TRPM4: variants seen among roughly 807,000 people sequenced by gnomAD.
TRPM4 encodes the protein calcium-activated non-selective cation channel 1.
TRPM4 carries 124 observed loss-of-function variants against 135.6 expected under a neutral mutation model. The observed-to-expected ratio is 0.91, with a 90% confidence interval of 0.79 to 1.06. TRPM4 has a LOEUF of 1.06. Among genes scored for constraint, TRPM4 ranks in the 50% least tolerant of loss-of-function variants. The pLI, the probability that TRPM4 is intolerant of heterozygous loss-of-function variation, is 0.00. For synonymous variants in TRPM4, 745 were observed against 705.6 expected (o/e 1.06, Z -0.88); for missense variants, 1,658 against 1,671.4 (o/e 0.99, Z 0.14).
intron 10 of TRPM4, among the ~76,000 whole-genome samples, chr19:49,182,090 ATCTG>A (rs1459893472): frequency 0.018 from 1,390 of 77,590 alleles, 6 homozygotes; most frequent in South Asian, 0.041. Flanking sequence ...CCATCCATCC[ATCTG>A]TCCATCCATC....
intron 14 of TRPM4, among the ~76,000 whole-genome samples, chr19:49,189,747 G>A (rs903636715): frequency 2.0e-5 from 3 of 152,110 alleles, no homozygotes; most frequent in African/African-American, 7.2e-5. Context: ...GTGCCCAACA[G>A]GAAGTCCCAT....
At chr19:49,206,346 T>A (rs1036198645) in intron 20 of TRPM4, among the ~76,000 whole-genome samples, 1 of 152,206 alleles carries the variant, frequency 6.6e-6, no homozygotes, top group African/African-American at 2.4e-5. Context: ...TTGTTTTGGC[T>A]ATTCTGGGCC....
At chr19:49,183,579 G>T (rs1417490013) in intron 12 of TRPM4, among the ~76,000 whole-genome samples, 1 of 151,232 alleles carries the variant, frequency 6.6e-6, no homozygotes, top group African/African-American at 2.4e-5. Flanking sequence ...GTTTTGTTTT[G>T]TTTTGTTTTA....
intron 20 of TRPM4, among the ~76,000 whole-genome samples, chr19:49,205,722 G>T (rs1036649255): frequency 6.6e-6 from 1 of 151,552 alleles, no homozygotes; most frequent in Admixed American, 6.6e-5. Context: ...TTTTAGTAGG[G>T]ACGGGGTTTC....
At chr19:49,176,520 G>C (rs1266582753) in intron 9 of TRPM4, among the ~76,000 whole-genome samples, 1 of 152,154 alleles carries the variant, frequency 6.6e-6, no homozygotes, top group Non-Finnish European at 1.5e-5. Context: ...GGTAGAAAGA[G>C]CAAGTTATTT....
Position 49,171,595 on chromosome 19 carries a change from C to G in TRPM4, c.876C>G (p.Thr292=). ...TCCTGTAGCGAATAGAGAACGCCAC[C>G]CAGGCTCAGCTCCCATGTCTCCTCG... ...EKMLTRIENA[T]QAQLPCLLVA... is the part of the protein sequence containing the mutation. Residue 292 remains threonine (T), a synonymous_variant, in exon 8 of 25, where the codon ACC becomes ACG. Coordinates refer to ENST00000252826, the MANE Select transcript of TRPM4 (RefSeq NM_017636.4). The surrounding 1 kb of genome is among the most constrained non-coding windows in gnomAD (Gnocchi z 4.7). 6.2e-7 allele frequency: 1 copy of G among 1,613,982 alleles called. No homozygotes were observed. The highest frequency in any genetic ancestry group is 1.7e-5 in the Admixed American group (1 of 60,006).
chr19:49,181,530 C>CTT lies in TRPM4; in HGVS notation c.1263+89_1263+90dup, dbSNP rs35727661. 45,591 of 501,866 alleles carry CTT rather than the reference C, an allele frequency of 0.091. 1,986 individuals carry two copies. Among genetic ancestry groups the CTT allele is most frequent in the South Asian group, 0.12 (4,945 of 42,176 alleles). The allele number at this position is 501,866 out of a possible 1,614,324, so 31.1% of individuals were successfully genotyped here. Reference sequence around the variant, plus strand: ...CTGTGCTGTCCTCCCTCTCTGCCTTCTTTTTTTTTTTTTTTTTTTTTGACG... The same window carrying CTT: ...CTGTGCTGTCCTCCCTCTCTGCCTTCTTTTTTTTTTTTTTTTTTTTTTTGACG... On this transcript the variant is annotated intron_variant, in intron 10 of 24. Coordinates refer to ENST00000252826, the MANE Select transcript of TRPM4 (RefSeq NM_017636.4).
intron 2 of TRPM4, among the ~76,000 whole-genome samples, chr19:49,163,777 C>T (rs1047145747): frequency 6.6e-6 from 1 of 152,180 alleles, no homozygotes; most frequent in Non-Finnish European, 1.5e-5. Context: ...TTGTGCCCAG[C>T]CGTCCTTGAA....
chr19:49,188,657 C>T lies in TRPM4; in HGVS notation c.1760C>T (p.Ser587Phe), dbSNP rs1968285591. ...YFWEMGSNAV[S>F]SALGACLLLR... ...TCTCTCCAGGGTTCCAATGCAGTTT[C>T]CTCAGCTCTTGGGGCCTGTTTGCTG... is the stretch of plus-strand genomic sequence containing the variant. The change falls in exon 13 of 25, where the codon TCC (serine) becomes TTC (phenylalanine). Residue 587 changes from serine to phenylalanine, a missense_variant. By Grantham distance (155) the Ser-to-Phe change is radical (BLOSUM62 -2). Transcript: ENST00000252826. The T allele has an allele frequency of 6.2e-7, 1 of 1,614,186 alleles. No individual in the cohort carries two copies. Among genetic ancestry groups the T allele is most frequent in the Non-Finnish European group, 8.5e-7 (1 of 1,180,046 alleles).
rs760010704 is a variant in TRPM4, at chr19:49,201,982, G to A, written c.2972G>A (p.Ser991Asn). Reference protein sequence around the residue: ...EDMDVALMEHSNCSSEPGFWA... With the variant: ...EDMDVALMEHNNCSSEPGFWA... Reference sequence around the variant, plus strand: ...TTCACAGTGGCCCTCATGGAGCACAGCAACTGCTCGTCGGAGCCCGGCTTC... The same window carrying A: ...TTCACAGTGGCCCTCATGGAGCACAACAACTGCTCGTCGGAGCCCGGCTTC... Residue 991 changes from serine to asparagine, a missense_variant, in exon 20 of 25, where the codon AGC becomes AAC. This residue lies in a region of TRPM4 where 1,412 missense variants were observed against 1,408.7 expected (regional missense o/e 1.00). Coordinates refer to ENST00000252826, the MANE Select transcript of TRPM4 (RefSeq NM_017636.4). The A allele has an allele frequency of 5.6e-6, 9 of 1,613,744 alleles. No homozygotes were observed. The South Asian group carries it at 9.9e-5, about 18-fold the overall frequency.
intron 9 of TRPM4, among the ~76,000 whole-genome samples, chr19:49,176,671 G>T (rs10401546): frequency 0.27 from 41,339 of 152,040 alleles, 5,814 homozygotes; most frequent in South Asian, 0.37. Flanking sequence ...GGCCACCATG[G>T]CAAAACCCTG....
intron 9 of TRPM4, among the ~76,000 whole-genome samples, chr19:49,174,006 G>C (rs1967575585): frequency 6.6e-6 from 1 of 151,846 alleles, no homozygotes; most frequent in African/African-American, 2.4e-5. Context: ...CTAGGCTCCA[G>C]AGACTAAAGC....
At position 49,210,790 on chromosome 19, in the gene TRPM4, G is replaced by A; in HGVS notation, c.3409G>A (p.Ala1137Thr). The change falls in exon 22 of 25, where the codon GCT (alanine) becomes ACT (threonine). Residue 1137 changes from alanine to threonine, a missense_variant. Transcript: ENST00000252826. This position sits in a 1 kb window ranked among gnomAD's most constrained non-coding sequence, Gnocchi z 4.1. ...TAAGGAGAACTTTCTGCTGGCACGC[G>A]CTAGGGACAAGCGGGAGAGCGACTC... ...VHKENFLLAR[A>T]RDKRESDSER... is the part of the protein sequence containing the mutation. The A allele has an allele frequency of 2.5e-6, 4 of 1,613,916 alleles. No homozygotes were observed. Among genetic ancestry groups the A allele is most frequent in the Non-Finnish European group, 3.4e-6 (4 of 1,180,000 alleles).
At chr19:49,203,128 TGATCC>T (rs1969002421) in intron 20 of TRPM4, among the ~76,000 whole-genome samples, 1 of 151,870 alleles carries the variant, frequency 6.6e-6, no homozygotes. Flanking sequence ...CCTGACCTCG[TGATCC>T]ACCCGCCTTG....
At chr19:49,202,886 T>C (rs1456442071) in intron 20 of TRPM4, among the ~76,000 whole-genome samples, 15 of 140,398 alleles carry the variant, frequency 1.1e-4, no homozygotes, top group Admixed American at 2.1e-4. Flanking sequence ...TACTTCTTTT[T>C]TTTTTTTTTT....
At chr19:49,204,891 T>C (rs1460408517) in intron 20 of TRPM4, among the ~76,000 whole-genome samples, 1 of 150,998 alleles carries the variant, frequency 6.6e-6, no homozygotes, top group Non-Finnish European at 1.5e-5. Flanking sequence ...ATGAAACTCC[T>C]TTTTAATCCT....
Position 49,211,258 on chromosome 19 carries a change from C to T in TRPM4, c.3629C>T (p.Pro1210Leu). The change falls in exon 24 of 25, where the codon CCT (proline) becomes CTT (leucine). Residue 1210 changes from proline (P) to leucine (L), a missense_variant. Coordinates refer to ENST00000252826, the MANE Select transcript of TRPM4 (RefSeq NM_017636.4). This position sits in a 1 kb window ranked among gnomAD's most constrained non-coding sequence, Gnocchi z 4.8. ...GGTGGGCCGCCACCCCCTGACCTGC[C>T]TGGGTCCAAAGGTCAGTGTGTAGCA... ...PPGGPPPPDLPGSKD is the reference protein window; with the variant it reads ...PPGGPPPPDLLGSKD 1 of 1,583,462 alleles carries T rather than the reference C, an allele frequency of 6.3e-7. No homozygotes were observed. Among genetic ancestry groups the T allele is most frequent in the Non-Finnish European group, 8.6e-7 (1 of 1,165,672 alleles).
chr19:49,189,703 A>C (rs1968340120), intron 14 of TRPM4, among the ~76,000 whole-genome samples: 2 of 152,158 alleles, frequency 1.3e-5, no homozygotes, highest in Non-Finnish European at 2.9e-5. Context: ...TAAATCTGAC[A>C]GGGGCTCAGA....
chr19:49,187,197 T>TG (rs976235615), intron 12 of TRPM4, among the ~76,000 whole-genome samples: 2 of 148,114 alleles, frequency 1.4e-5, no homozygotes, highest in African/African-American at 2.5e-5. Flanking sequence ...ATTTTCTTGT[T>TG]TTTTTTTTTT....
Sources: allele counts gnomAD v4.1 joint callset (sites outside exome capture counted in the v4.1 genomes callset), GRCh38; gene constraint gnomAD v4.1.1; regional missense constraint gnomAD v4.1.1; non-coding constraint Gnocchi (gnomAD v3.1); transcripts MANE v1.5; gene names NCBI Gene and HGNC (gene_info 2026-07-23, HGNC 2026-07-21).